The following PRDX4 variants were observed in gnomAD, a reference collection of about 807,000 sequenced individuals.
The protein encoded by PRDX4 is peroxiredoxin-4.
Under a neutral mutation model 20.5 loss-of-function variants are expected in PRDX4, and 12 were observed. That is an observed-to-expected ratio of 0.58 (90% CI 0.37 to 0.95). The LOEUF (loss-of-function observed/expected upper bound fraction) is 0.95. Ranked by LOEUF, PRDX4 falls within the 40% of genes least tolerant of loss-of-function variation. The probability of loss-of-function intolerance (pLI) is 0.01; values close to 1 mark genes in which losing one functional copy is unlikely to be tolerated. For synonymous variants in PRDX4, 99 were observed against 87.5 expected (o/e 1.13, Z -0.73); for missense variants, 180 against 207.3 (o/e 0.87, Z 0.81).
chrX:23,679,974 T>A (rs1448735430), intron 4 of PRDX4, among the ~76,000 whole-genome samples: 2 of 109,605 alleles, frequency 1.8e-5, no homozygotes, highest in Admixed American at 1.0e-4. Context: ...AGAGCAAGAC[T>A]CCGTCTCAAA....
chrX:23,668,916 CT>C (rs67936153), intron 1 of PRDX4, among the ~76,000 whole-genome samples: 21,847 of 101,795 alleles, frequency 0.21, 1,941 homozygotes, highest in African/African-American at 0.33. Flanking sequence ...CACTTTGGGA[CT>C]TTTTTTTTTT....
intron 4 of PRDX4, among the ~76,000 whole-genome samples, chrX:23,679,724 A>G (rs1483146791): frequency 9.2e-6 from 1 of 108,922 alleles, no homozygotes; most frequent in Non-Finnish European, 1.9e-5. Context: ...CACGCCTATA[A>G]TCCCAGCACT....
chrX:23,667,745 G>C lies in PRDX4; in HGVS notation c.175G>C (p.Val59Leu), dbSNP rs778881944. 7.4e-6 allele frequency: 9 copies of C among 1,211,800 alleles called. No homozygotes were observed. Among genetic ancestry groups the C allele is most frequent in the Non-Finnish European group, 7.8e-6 (7 of 895,481 alleles). The change falls in exon 1 of 7, where the codon GTG (valine) becomes CTG (leucine). Residue 59 changes from valine to leucine, a missense_variant. By Grantham distance (32) the Val-to-Leu change is conservative (BLOSUM62 1). Around this residue, in one of 3 missense-constraint regions of PRDX4, gnomAD observed 105 missense variants for 114.2 expected, o/e 0.92. Coordinates refer to ENST00000379341, the MANE Select transcript of PRDX4 (RefSeq NM_006406.2). ...GTGCCACTTCTACGCGGGTGGACAA[G>C]TGTACCCGGGAGAGGCATCCCGGGT... ...EECHFYAGGQ[V>L]YPGEASRVSV...
At chrX:23,684,192 G>A (rs746422096) in intron 6 of PRDX4, among the ~76,000 whole-genome samples, 37 of 110,560 alleles carry the variant, frequency 3.3e-4, no homozygotes, top group Non-Finnish European at 1.3e-4. Context: ...AGCTGAAACC[G>A]GAGAAAGCAG....
intron 5 of PRDX4, among the ~76,000 whole-genome samples, chrX:23,682,942 G>A (rs762525565): frequency 1.2e-5 from 1 of 86,450 alleles, no homozygotes; most frequent in African/African-American, 4.4e-5. Flanking sequence ...AGTCCTTTTT[G>A]ATAAACTCAA....
At chrX:23,683,191 T>C (rs189670646) in intron 5 of PRDX4, among the ~76,000 whole-genome samples, 258 of 111,064 alleles carry the variant, frequency 2.3e-3, no homozygotes, top group African/African-American at 8.4e-3. Flanking sequence ...TTTGCTAAAA[T>C]AGAACACATT....
intron 1 of PRDX4, among the ~76,000 whole-genome samples, chrX:23,668,987 G>A (rs1355819797): frequency 9.1e-6 from 1 of 109,711 alleles, no homozygotes; most frequent in East Asian, 2.8e-4. Flanking sequence ...GTGCGGTCGC[G>A]CGATCTCGGC....
intron 1 of PRDX4, among the ~76,000 whole-genome samples, chrX:23,669,904 G>A (rs924558643): frequency 2.0e-4 from 20 of 100,816 alleles, no homozygotes; most frequent in African/African-American, 7.1e-4. Flanking sequence ...GCGACAGACT[G>A]AGACTCTTGT....
chrX:23,683,482 C>T (rs1301091230), intron 5 of PRDX4, among the ~76,000 whole-genome samples, 189 bp from the exon 6 acceptor site: 1 of 111,087 alleles, frequency 9.0e-6, no homozygotes, highest in Non-Finnish European at 1.9e-5. Context: ...TAGCTGCCTG[C>T]TTATGAGCTC....
At chrX:23,685,996 A>C (rs1164363381) in intron 6 of PRDX4, 1 of 395,761 alleles carries the variant, frequency 2.5e-6, no homozygotes, top group African/African-American at 2.5e-5. Flanking sequence ...TGTTTGACTT[A>C]ATTAGATCAA....
chrX:23,679,408 G>C, intron 4 of PRDX4, 121 bp downstream of exon 4: 1 of 828,626 alleles, frequency 1.2e-6, no homozygotes, highest in East Asian at 3.4e-5. Flanking sequence ...TTTGAGGCCA[G>C]GCACGGTAGC....
At chrX:23,669,487 A>G (rs1927801466) in intron 1 of PRDX4, among the ~76,000 whole-genome samples, 2 of 112,064 alleles carry the variant, frequency 1.8e-5, no homozygotes, top group East Asian at 2.7e-4. Flanking sequence ...TTGTTAGTAA[A>G]GACTATTATG....
At chrX:23,670,946 G>A (rs1927830406) in intron 1 of PRDX4, among the ~76,000 whole-genome samples, 1 of 112,264 alleles carries the variant, frequency 8.9e-6, no homozygotes, top group Non-Finnish European at 1.9e-5. Flanking sequence ...AATGTAGGAA[G>A]TTGACAACTT....
chrX:23,677,073 T>C (rs1288441294), intron 3 of PRDX4, among the ~76,000 whole-genome samples: 2 of 111,352 alleles, frequency 1.8e-5, no homozygotes, highest in Non-Finnish European at 3.8e-5. Context: ...GTAGTAATTA[T>C]AAATCTTCCG....
At chrX:23,675,153 C>T in intron 3 of PRDX4, 47 bp downstream of exon 3, 2 of 1,210,531 alleles carry the variant, frequency 1.7e-6, no homozygotes, top group Non-Finnish European at 1.1e-6. Context: ...AATGGATTTA[C>T]TCTTAAAGCA....
intron 1 of PRDX4, among the ~76,000 whole-genome samples, chrX:23,670,032 T>G (rs1927815240): frequency 8.9e-6 from 1 of 111,999 alleles, no homozygotes; most frequent in Admixed American, 9.5e-5. Flanking sequence ...AAGTATTCTT[T>G]GTACTTCTCT....
At chrX:23,672,396 A>G (rs911003093) in intron 2 of PRDX4, among the ~76,000 whole-genome samples, 1 of 112,330 alleles carries the variant, frequency 8.9e-6, no homozygotes, top group Non-Finnish European at 1.9e-5. Flanking sequence ...ATACTGCTTA[A>G]GGAATAAGGA....
intron 6 of PRDX4, among the ~76,000 whole-genome samples, chrX:23,685,092 A>C: frequency 8.9e-6 from 1 of 112,544 alleles, no homozygotes; most frequent in Non-Finnish European, 1.9e-5. Flanking sequence ...AGATTCTCAG[A>C]GATTTGTGGC....
At chrX:23,682,853 A>T (rs59653153) in intron 5 of PRDX4, among the ~76,000 whole-genome samples, 391 of 14,750 alleles carry the variant, frequency 0.027, 7 homozygotes, top group Non-Finnish European at 0.029. Context: ...AAAAAAAAAA[A>T]ATATATATAT....
Sources: gnomAD v4.1 joint callset for allele counts (sites outside exome capture counted in the v4.1 genomes callset) on GRCh38, gnomAD v4.1.1 for gene constraint, gnomAD v4.1.1 regional missense constraint, MANE v1.5 for transcripts, NCBI Gene and HGNC (gene_info 2026-07-23, HGNC 2026-07-21) for gene names.